The following TRPM3 variants were observed in gnomAD, a reference collection of about 807,000 sequenced individuals.
TRPM3 encodes long transient receptor potential channel 3.
TRPM3 carries 77 observed loss-of-function variants against 181.2 expected under a neutral mutation model. That is an observed-to-expected ratio of 0.42 (90% CI 0.35 to 0.51). The LOEUF is 0.51. Among genes scored for constraint, TRPM3 ranks in the 20% least tolerant of loss-of-function variants. TRPM3 has a pLI of 0.01. For synonymous variants in TRPM3, 745 were observed against 796.4 expected, an observed-to-expected ratio of 0.94 and a Z score of 1.09; for missense variants, 1,759 against 2,196.7, an observed-to-expected ratio of 0.80 and a Z score of 3.98.
intron 12 of TRPM3, among the ~76,000 whole-genome samples, chr9:70,629,428 C>T (rs964997643): frequency 6.6e-6 from 1 of 151,954 alleles, no homozygotes; most frequent in Non-Finnish European, 1.5e-5. Context: ...CTCCGCCTCC[C>T]GGGTTCAAGT....
At chr9:71,267,526 C>A (rs2083470350) in intron 1 of TRPM3, among the ~76,000 whole-genome samples, 1 of 151,916 alleles carries the variant, frequency 6.6e-6, no homozygotes, top group Non-Finnish European at 1.5e-5. Flanking sequence ...ATCCCCAGGC[C>A]ACAAAGATTT....
intron 1 of TRPM3, among the ~76,000 whole-genome samples, chr9:70,883,938 G>A (rs1461218758): frequency 6.6e-6 from 1 of 152,190 alleles, no homozygotes; most frequent in African/African-American, 2.4e-5. Flanking sequence ...TACAGAGGCT[G>A]AAACGTTCTG....
intron 1 of TRPM3, among the ~76,000 whole-genome samples, chr9:70,888,377 G>GTT (rs1414799339): frequency 6.6e-6 from 1 of 151,314 alleles, no homozygotes; most frequent in Admixed American, 6.6e-5. Context: ...GTGTGTGTGT[G>GTT]TGTGTGTGTG....
chr9:71,373,580 A>G (rs957675569), intron 1 of TRPM3, among the ~76,000 whole-genome samples: 1 of 152,198 alleles, frequency 6.6e-6, no homozygotes, highest in African/African-American at 2.4e-5. Flanking sequence ...TGAACCAGGA[A>G]GAACTGAATC....
intron 5 of TRPM3, among the ~76,000 whole-genome samples, chr9:70,834,697 C>T (rs559401671): frequency 7.1e-4 from 108 of 152,282 alleles, no homozygotes; most frequent in African/African-American, 2.2e-3. Context: ...TGGCAAGGAA[C>T]TCCTGCATAA....
At chr9:71,289,502 A>G (rs1242880340) in intron 1 of TRPM3, among the ~76,000 whole-genome samples, 1 of 152,156 alleles carries the variant, frequency 6.6e-6, no homozygotes, top group Non-Finnish European at 1.5e-5. Context: ...TATAAAACAG[A>G]AGCTCAAGTT....
intron 6 of TRPM3, chr9:70,827,056 T>C (rs1424792979): frequency 1.3e-5 from 2 of 152,202 alleles, no homozygotes; most frequent in Admixed American, 1.3e-4. Flanking sequence ...GCTTAAGAGA[T>C]AATATTAGCG....
intron 22 of TRPM3, among the ~76,000 whole-genome samples, chr9:70,563,228 G>C (rs1479953532): frequency 6.6e-6 from 1 of 152,208 alleles, no homozygotes; most frequent in Non-Finnish European, 1.5e-5. Flanking sequence ...TTCTGGAGGA[G>C]GTGATAGCCC....
rs112813422 is a variant in TRPM3, at chr9:71,313,898, G to A, written c.183+132755C>T. 8.4e-3 allele frequency among the ~76,000 whole-genome samples: 1,276 copies of A among 152,032 alleles called. 17 individuals are homozygous for A. Among genetic ancestry groups the A allele is most frequent in the African/African-American group, 0.029 (1,193 of 41,462 alleles). ...ATCAGCAATAAACCAGAACTCCTCG[G>A]GCAAGACTGTTAACATTTTAGCAGT... On this transcript the variant is annotated intron_variant, in intron 1 of 24. Coordinates refer to the TRPM3 transcript ENST00000357533.
intron 1 of TRPM3, among the ~76,000 whole-genome samples, chr9:71,201,160 T>C (rs1335825562): frequency 6.6e-6 from 1 of 151,708 alleles, no homozygotes; most frequent in Non-Finnish European, 1.5e-5. Context: ...TATGAAATTC[T>C]GGGTTGAAAA....
chr9:71,305,993 T>C (rs2087272944), intron 1 of TRPM3, among the ~76,000 whole-genome samples: 2 of 152,138 alleles, frequency 1.3e-5, no homozygotes, highest in African/African-American at 2.4e-5. Context: ...CACACTAAAC[T>C]TTCCCATTCT....
At chr9:70,992,263 T>A (rs1190841762) in intron 1 of TRPM3, among the ~76,000 whole-genome samples, 2 of 152,236 alleles carry the variant, frequency 1.3e-5, no homozygotes, top group Non-Finnish European at 2.9e-5. Flanking sequence ...GCCTACAAGC[T>A]GGTGTTCTAG....
At chr9:70,745,449 A>G (rs1564098598) in intron 8 of TRPM3, among the ~76,000 whole-genome samples, 1 of 152,168 alleles carries the variant, frequency 6.6e-6, no homozygotes, top group Admixed American at 6.6e-5. Context: ...CTTCCTCTTT[A>G]TCTTCTTTCC....
intron 19 of TRPM3, 56 bp downstream of exon 19, chr9:70,610,553 T>G: frequency 6.3e-7 from 1 of 1,581,278 alleles, no homozygotes; most frequent in Non-Finnish European, 8.6e-7. Context: ...GCATGAGAAA[T>G]GGACGTTGGC....
intron 1 of TRPM3, among the ~76,000 whole-genome samples, chr9:71,265,749 T>C (rs1389023019): frequency 1.3e-5 from 2 of 152,240 alleles, no homozygotes; most frequent in Non-Finnish European, 2.9e-5. Flanking sequence ...GCAATATCTA[T>C]TGTATGTTTA....
At chr9:71,035,665 C>T (rs1197647927) in intron 1 of TRPM3, among the ~76,000 whole-genome samples, 1 of 151,932 alleles carries the variant, frequency 6.6e-6, no homozygotes, top group South Asian at 2.1e-4. Context: ...TGCAGTGAGC[C>T]GATATTGTGC....
intron 9 of TRPM3, among the ~76,000 whole-genome samples, chr9:70,676,715 G>GA (rs2064102446): frequency 6.6e-6 from 1 of 152,128 alleles, no homozygotes; most frequent in South Asian, 2.1e-4. Context: ...TTGGGGCTCA[G>GA]AAAAATGATT....
chr9:70,741,210 A>G (rs1280579021), intron 8 of TRPM3, among the ~76,000 whole-genome samples: 1 of 152,220 alleles, frequency 6.6e-6, no homozygotes, highest in African/African-American at 2.4e-5. Context: ...ATATGAAAAA[A>G]TGCTCAGCAT....
intron 1 of TRPM3, among the ~76,000 whole-genome samples, chr9:71,375,469 G>T (rs1005943215): frequency 2.0e-5 from 3 of 152,278 alleles, no homozygotes; most frequent in African/African-American, 7.2e-5. Flanking sequence ...CATGGGCAAA[G>T]ATTTCATGAT....
Sources: allele counts gnomAD v4.1 joint callset (sites outside exome capture counted in the v4.1 genomes callset), GRCh38; gene constraint gnomAD v4.1.1; transcripts MANE v1.5; gene names NCBI Gene and HGNC (gene_info 2026-07-23, HGNC 2026-07-21).